The following ADGRL2 variants were observed in gnomAD, a reference collection of about 807,000 sequenced individuals.
ADGRL2 encodes calcium-independent alpha-latrotoxin receptor 2.
In ADGRL2, 44 loss-of-function variants were observed where a neutral mutation model predicts 157.4. The observed-to-expected ratio is 0.28, with a 90% confidence interval of 0.22 to 0.36. ADGRL2 has a LOEUF of 0.36. ADGRL2 is among the 10% of genes least tolerant of loss of function. ADGRL2 has a pLI of 1.00. For synonymous variants in ADGRL2, 585 were observed against 624.7 expected (o/e 0.94, Z 0.95); for missense variants, 1,510 against 1,768.9 (o/e 0.85, Z 2.63).
intron 1 of ADGRL2, among the ~76,000 whole-genome samples, chr1:81,700,207 T>A (rs1418307876): frequency 6.6e-6 from 1 of 152,218 alleles, no homozygotes; most frequent in Non-Finnish European, 1.5e-5. Context: ...TGAAGATGTC[T>A]TTTCAAAAGA....
chr1:81,414,427 G>C (rs761695006), intron 1 of ADGRL2: 5 of 152,192 alleles, frequency 3.3e-5, no homozygotes, highest in Non-Finnish European at 7.3e-5. Context: ...ATTTAAATTC[G>C]TGTGTTTTCC....
At chr1:81,461,062 A>G (rs2077917059) in intron 2 of ADGRL2, among the ~76,000 whole-genome samples, 1 of 152,204 alleles carries the variant, frequency 6.6e-6, no homozygotes, top group African/African-American at 2.4e-5. Context: ...TCCACTGAAC[A>G]GGGTAAGGGA....
At chr1:81,604,319 GT>G (rs947361582) in intron 3 of ADGRL2, among the ~76,000 whole-genome samples, 1 of 152,170 alleles carries the variant, frequency 6.6e-6, no homozygotes, top group African/African-American at 2.4e-5. Context: ...GGTTGAAGTA[GT>G]GAGAGGAGGC....
chr1:81,557,045 A>AAAGT (rs2148423080), intron 2 of ADGRL2: 1 of 172,800 alleles, frequency 5.8e-6, no homozygotes, highest in East Asian at 1.8e-4. Flanking sequence ...AGAAAGAAAG[A>AAAGT]AGAAGAAGAA....
chr1:81,917,414 T>C (rs1367656618), intron 3 of ADGRL2, among the ~76,000 whole-genome samples: 1 of 152,172 alleles, frequency 6.6e-6, no homozygotes, highest in Non-Finnish European at 1.5e-5. Context: ...AAGTATATTA[T>C]AGCAATGTAG....
chr1:81,560,456 G>A (rs1214892292), intron 2 of ADGRL2, among the ~76,000 whole-genome samples: 2 of 152,076 alleles, frequency 1.3e-5, no homozygotes, highest in Non-Finnish European at 2.9e-5. Flanking sequence ...GTTCAATAGC[G>A]GCCTAGAGCA....
intron 1 of ADGRL2, chr1:81,722,344 TA>T: frequency 1.4e-6 from 1 of 710,856 alleles, no homozygotes; most frequent in Non-Finnish European, 2.6e-6. Flanking sequence ...AGGCATATGA[TA>T]AGAAAGTGGT....
At chr1:81,931,479 T>C (rs2095229765) in intron 3 of ADGRL2, among the ~76,000 whole-genome samples, 1 of 152,160 alleles carries the variant, frequency 6.6e-6, no homozygotes, top group Non-Finnish European at 1.5e-5. Context: ...TCGTGCGTTT[T>C]TAACCCAGTG....
chr1:81,444,449 T>C (rs2077564437), intron 1 of ADGRL2, among the ~76,000 whole-genome samples: 1 of 152,212 alleles, frequency 6.6e-6, no homozygotes, highest in Non-Finnish European at 1.5e-5. Flanking sequence ...AAACTACTCA[T>C]ATTTTGGTAT....
At chr1:81,557,490 A>AAAGAAAGAAAG (rs2080326868) in intron 2 of ADGRL2, 1 of 88,540 alleles carries the variant, frequency 1.1e-5, no homozygotes, top group South Asian at 4.2e-4. Flanking sequence ...AAGAAGAAAG[A>AAAGAAAGAAAG]AAGAAAGAAA....
At chr1:81,597,018 TA>T (rs1223445277) in intron 3 of ADGRL2, among the ~76,000 whole-genome samples, 6 of 152,202 alleles carry the variant, frequency 3.9e-5, no homozygotes, top group African/African-American at 1.4e-4. Context: ...AATAAGTATT[TA>T]AGCACAGTCC....
intron 2 of ADGRL2, among the ~76,000 whole-genome samples, chr1:81,500,117 TCTC>T (rs1171729842): frequency 6.6e-6 from 1 of 152,114 alleles, no homozygotes; most frequent in Non-Finnish European, 1.5e-5. Flanking sequence ...ATAAAACACA[TCTC>T]CTCGCTAAGA....
At chr1:81,589,078 T>C (rs149451884) in intron 3 of ADGRL2, among the ~76,000 whole-genome samples, 46 of 152,292 alleles carry the variant, frequency 3.0e-4, no homozygotes, top group African/African-American at 1.0e-3. Context: ...CAGAGAACCA[T>C]ATAGTATCTG....
At chr1:81,942,557 C>A (rs1011629748) in intron 5 of ADGRL2, among the ~76,000 whole-genome samples, 3 of 151,760 alleles carry the variant, frequency 2.0e-5, no homozygotes, top group Non-Finnish European at 4.4e-5. Context: ...TGCCTTATTT[C>A]ATGGTTTTGC....
At chr1:81,461,902 G>C (rs967919221) in intron 2 of ADGRL2, among the ~76,000 whole-genome samples, 1 of 122,604 alleles carries the variant, frequency 8.2e-6, no homozygotes, top group Admixed American at 9.7e-5. Flanking sequence ...ATGGCTGATA[G>C]TCTTCCAAAG....
chr1:81,517,031 A>C (rs992160686), intron 2 of ADGRL2, among the ~76,000 whole-genome samples: 35 of 152,140 alleles, frequency 2.3e-4, no homozygotes, highest in African/African-American at 7.9e-4. Flanking sequence ...CCTTTAGCCC[A>C]TTTCAGCCAG....
intron 2 of ADGRL2, among the ~76,000 whole-genome samples, chr1:81,866,157 C>T (rs187394613): frequency 1.8e-3 from 271 of 152,238 alleles, no homozygotes; most frequent in Non-Finnish European, 3.0e-3. Context: ...CTTTCTAAAA[C>T]ATGTTACATT....
At chr1:81,447,239 A>T (rs569445111) in intron 2 of ADGRL2, among the ~76,000 whole-genome samples, 1 of 152,152 alleles carries the variant, frequency 6.6e-6, no homozygotes. Context: ...TTCCTGACTT[A>T]AAGATATAAT....
intron 2 of ADGRL2, among the ~76,000 whole-genome samples, chr1:81,790,225 T>C (rs567236763): frequency 3.3e-5 from 5 of 152,212 alleles, no homozygotes; most frequent in African/African-American, 1.2e-4. Flanking sequence ...ACTTTCCTGC[T>C]TTCCTTGAGA....
Sources: allele counts gnomAD v4.1 joint callset (sites outside exome capture counted in the v4.1 genomes callset), GRCh38; gene constraint gnomAD v4.1.1; transcripts MANE v1.5; gene names NCBI Gene and HGNC (gene_info 2026-07-23, HGNC 2026-07-21).